The following HMCN1 variants were observed in gnomAD, a reference collection of about 807,000 sequenced individuals.
The protein encoded by HMCN1 is hemicentin-1.
HMCN1 carries 321 observed loss-of-function variants against 625.9 expected under a neutral mutation model. That is an observed-to-expected ratio of 0.51 (90% CI 0.47 to 0.56). The LOEUF is 0.56. Among genes scored for constraint, HMCN1 ranks in the 20% least tolerant of loss-of-function variants. The probability of loss-of-function intolerance (pLI) is 0.00; values close to 1 mark genes in which losing one functional copy is unlikely to be tolerated. For missense variants in HMCN1, 6,588 were observed against 6,887.3 expected (o/e 0.96, Z 1.54); for synonymous variants, 2,425 against 2,417.6 (o/e 1.00, Z -0.09).
intron 20 of HMCN1, 94 bp downstream of exon 20, chr1:185,987,638 G>T: frequency 1.1e-6 from 1 of 871,702 alleles, no homozygotes; most frequent in South Asian, 1.3e-5. Context: ...TCAGGAGTGG[G>T]GCATGGAAAG....
At chr1:185,895,968 C>T (rs769700815) in intron 4 of HMCN1, among the ~76,000 whole-genome samples, 8 of 150,620 alleles carry the variant, frequency 5.3e-5, no homozygotes, top group Non-Finnish European at 1.0e-4. Flanking sequence ...GATGGAGTCT[C>T]TCTGTCGCAC....
At chr1:186,154,266 G>A (rs1340049912) in intron 97 of HMCN1, among the ~76,000 whole-genome samples, 1 of 152,200 alleles carries the variant, frequency 6.6e-6, no homozygotes, top group Non-Finnish European at 1.5e-5. Context: ...ATGTGGCGGG[G>A]CGTGGTGGCT....
At chr1:185,889,048 G>A (rs1313310501) in intron 4 of HMCN1, among the ~76,000 whole-genome samples, 1 of 142,132 alleles carries the variant, frequency 7.0e-6, no homozygotes, top group African/African-American at 2.9e-5. Flanking sequence ...TGGATTCCTA[G>A]GTATTTTATT....
chr1:186,025,105 G>A (rs899055591), intron 36 of HMCN1, among the ~76,000 whole-genome samples: 5 of 152,146 alleles, frequency 3.3e-5, no homozygotes, highest in African/African-American at 7.2e-5. Context: ...TTATATTATC[G>A]TAATGAACAT....
chr1:185,883,326 T>G (rs959680832), intron 4 of HMCN1, among the ~76,000 whole-genome samples: 17 of 152,076 alleles, frequency 1.1e-4, no homozygotes, highest in African/African-American at 4.1e-4. Context: ...TTTTGACAAA[T>G]GTATATGCTT....
chr1:185,763,365 T>C (rs1655642586), intron 1 of HMCN1, among the ~76,000 whole-genome samples: 1 of 152,050 alleles, frequency 6.6e-6, no homozygotes. Context: ...ATTTCAAAAA[T>C]GAGGATTTAG....
At chr1:186,037,211 A>G (rs1052330013) in intron 36 of HMCN1, among the ~76,000 whole-genome samples, 2 of 152,062 alleles carry the variant, frequency 1.3e-5, no homozygotes, top group African/African-American at 4.8e-5. Flanking sequence ...TTCAAACAAG[A>G]CAGAACCTTT....
At chr1:185,769,748 T>A (rs1468155615) in intron 1 of HMCN1, among the ~76,000 whole-genome samples, 1 of 152,214 alleles carries the variant, frequency 6.6e-6, no homozygotes, top group Non-Finnish European at 1.5e-5. Context: ...TACTGATGCC[T>A]GTGTGATAAG....
intron 93 of HMCN1, 77 bp from the exon 94 acceptor site, chr1:186,151,123 T>C: frequency 2.1e-6 from 3 of 1,412,638 alleles, no homozygotes; most frequent in Non-Finnish European, 3.0e-6. Flanking sequence ...CATCTCTGAA[T>C]ACTGGCCCTC....
chr1:185,939,441 A>T (rs1025878649), intron 11 of HMCN1, among the ~76,000 whole-genome samples: 1 of 152,226 alleles, frequency 6.6e-6, no homozygotes, highest in Non-Finnish European at 1.5e-5. Flanking sequence ...AGGAGAAAAA[A>T]GATGTCTAGA....
chr1:185,856,089 A>G (rs569431881), intron 2 of HMCN1, among the ~76,000 whole-genome samples: 48 of 152,328 alleles, frequency 3.2e-4, no homozygotes, highest in African/African-American at 1.0e-3. Flanking sequence ...GCAACTTTAA[A>G]TTTGATTCAA....
At chr1:185,769,007 A>G (rs972065627) in intron 1 of HMCN1, among the ~76,000 whole-genome samples, 4 of 152,228 alleles carry the variant, frequency 2.6e-5, no homozygotes, top group African/African-American at 9.6e-5. Context: ...TTGTTTCTAC[A>G]TTATATGACA....
intron 15 of HMCN1, among the ~76,000 whole-genome samples, chr1:185,972,438 C>T (rs1182042185): frequency 6.6e-6 from 1 of 152,112 alleles, no homozygotes; most frequent in Non-Finnish European, 1.5e-5. Context: ...ACAAATGTTT[C>T]GTATTTATGC....
At chr1:185,990,189 C>T (rs1047026596) in intron 21 of HMCN1, 86 bp from the exon 22 acceptor site, 1 of 1,125,512 alleles carries the variant, frequency 8.9e-7, no homozygotes, top group Non-Finnish European at 1.4e-6. Flanking sequence ...TACTTAAGAA[C>T]ATTAGTAGTC....
rs373876634 is a variant in HMCN1, at chr1:186,165,137, G to A, written c.15283G>A (p.Gly5095Arg). ...KGDRSNQCPS[G>R]FTLDSVGPFC... ...AGATCGCAGTAATCAGTGCCCCTCC[G>A]GGTTTACCTTAGACTCAGTTGGACC... The change falls in exon 98 of 107, where the codon GGG (glycine) becomes AGG (arginine). Residue 5095 changes from glycine to arginine, a missense_variant. Around this residue, in one of 3 missense-constraint regions of HMCN1, gnomAD observed 1,954 missense variants for 2,013.1 expected, o/e 0.97. Coordinates refer to ENST00000271588, the MANE Select transcript of HMCN1 (RefSeq NM_031935.3). 87 of 1,613,864 alleles carry A rather than the reference G, an allele frequency of 5.4e-5. No homozygotes were observed. The highest frequency in any genetic ancestry group is 1.6e-4 in the Middle Eastern group (1 of 6,084).
At chr1:185,898,880 A>G (rs1251234308) in intron 4 of HMCN1, among the ~76,000 whole-genome samples, 1 of 140,936 alleles carries the variant, frequency 7.1e-6, no homozygotes, top group Non-Finnish European at 1.5e-5. Flanking sequence ...TGGTCTTCAG[A>G]CAGCTAAAAA....
chr1:186,119,903 A>G (rs765282909), intron 79 of HMCN1, 21 bp downstream of exon 79: 22 of 1,613,948 alleles, frequency 1.4e-5, no homozygotes, highest in Middle Eastern at 3.3e-4. Context: ...CTGTTTTTCT[A>G]TCAAGAAAAT....
In HMCN1 at chr1:186,114,083, T is replaced by C; in HGVS notation, c.11236T>C (p.Trp3746Arg). The change falls in exon 73 of 107, where the codon TGG (tryptophan) becomes CGG (arginine). Residue 3746 changes from tryptophan (W) to arginine (R), a missense_variant. This residue lies in a region of HMCN1 where 4,628 missense variants were observed against 4,853.1 expected (regional missense o/e 0.95). Transcript: ENST00000271588. ...AEGVPTPRIT[W>R]RKDGAVLAGN... The stretch of plus-strand genomic sequence containing the variant: ...AGGTGTGCCAACTCCAAGGATAACA[T>C]GGAGAAAGGATGGAGCTGTTCTAGC... 6.2e-7 allele frequency: 1 copy of C among 1,613,972 alleles called. No homozygotes were observed. Among genetic ancestry groups the C allele is most frequent in the Non-Finnish European group, 8.5e-7 (1 of 1,179,878 alleles).
At chr1:185,907,356 A>AGT (rs964613602) in intron 4 of HMCN1, among the ~76,000 whole-genome samples, 1 of 151,910 alleles carries the variant, frequency 6.6e-6, no homozygotes, top group Non-Finnish European at 1.5e-5. Context: ...ACATCATTTC[A>AGT]GTGTGTCACT....
Sources: gnomAD v4.1 joint callset for allele counts (sites outside exome capture counted in the v4.1 genomes callset) on GRCh38, gnomAD v4.1.1 for gene constraint, gnomAD v4.1.1 regional missense constraint, MANE v1.5 for transcripts, NCBI Gene and HGNC (gene_info 2026-07-23, HGNC 2026-07-21) for gene names.